Variants in ZNF417 observed in about 807,000 individuals in gnomAD.
ZNF417 encodes zinc finger protein 417.
Under a neutral mutation model 7.4 loss-of-function variants are expected in ZNF417, and 5 were observed. The ratio of observed to expected loss-of-function variants is 0.68; its 90% CI spans 0.35 to 1.43. ZNF417 has a LOEUF of 1.43. ZNF417 is among the 40% of genes most tolerant of loss of function. ZNF417 has a pLI of 0.04. For synonymous variants in ZNF417, 147 were observed against 239.1 expected (o/e 0.61, Z 3.55); for missense variants, 437 against 697.3 (o/e 0.63, Z 4.20).
At chr19:57,911,656 G>C (rs1222195547) in intron 2 of ZNF417, among the ~76,000 whole-genome samples, 1 of 152,154 alleles carries the variant, frequency 6.6e-6, no homozygotes, top group Non-Finnish European at 1.5e-5. Flanking sequence ...TGCAAGAAGA[G>C]TCTATGGTCT....
At position 57,907,774 on chromosome 19, in the gene ZNF417, C is replaced by T. The variant is rs2071848291; in HGVS notation, c.*776G>A. 1 of 154,484 alleles carries T rather than the reference C, an allele frequency of 6.5e-6. No homozygotes were observed. Among genetic ancestry groups the T allele is most frequent in the African/African-American group, 2.4e-5 (1 of 41,510 alleles). The allele number at this position is 154,484 out of a possible 1,614,324, so 9.6% of individuals were successfully genotyped here. A position where few individuals can be genotyped will look rare whatever the true frequency, so the allele number is the denominator to read the frequency against. Reference sequence around the variant, plus strand: ...ATCTCACCTTGCTGGCAAGAAACTACCATTTCAGCAGAAAGTGCAATGACA... The same window carrying T: ...ATCTCACCTTGCTGGCAAGAAACTATCATTTCAGCAGAAAGTGCAATGACA... On this transcript the variant is annotated 3_prime_UTR_variant, in exon 3 of 3. Coordinates refer to ENST00000312026, the MANE Select transcript of ZNF417 (RefSeq NM_152475.3).
chr19:57,905,959 T>C lies in ZNF417; in HGVS notation c.*2591A>G, dbSNP rs2122505565. ...TTTTGCCTATATAAACTGTAGTTTA[T>C]GAAGAAAAAAGTTTTGTTTTTTTTG... is the stretch of plus-strand genomic sequence containing the variant. On this transcript the variant is annotated 3_prime_UTR_variant, in exon 3 of 3. Coordinates refer to ENST00000312026, the MANE Select transcript of ZNF417 (RefSeq NM_152475.3). Among the ~76,000 whole-genome samples, 1 of 149,294 alleles carries C rather than the reference T, an allele frequency of 6.7e-6. No homozygotes were observed. The highest frequency in any genetic ancestry group is 2.2e-4 in the South Asian group (1 of 4,648).
intron 1 of ZNF417, among the ~76,000 whole-genome samples, chr19:57,914,501 A>AC (rs1040421151): frequency 1.3e-5 from 2 of 151,084 alleles, no homozygotes; most frequent in Non-Finnish European, 1.5e-5. Context: ...AAAAAAAAAA[A>AC]AAAAAAAAAG....
rs898326539 is a variant in ZNF417, at chr19:57,916,581, A to C, written c.-170T>G. ...GGGGAAACACCCGCGTCACCGATAC[A>C]CAGCCGCTACTAGAGACCCCGGAAG... On this transcript the variant is annotated 5_prime_UTR_variant, in exon 1 of 3. Coordinates refer to ENST00000312026, the MANE Select transcript of ZNF417 (RefSeq NM_152475.3). 2 of 1,475,432 alleles carry C rather than the reference A, an allele frequency of 1.4e-6. No homozygotes were observed. The highest frequency in any genetic ancestry group is 1.8e-6 in the Non-Finnish European group (2 of 1,116,134). The allele number at this position is 1,475,432 out of a possible 1,614,324, so 91.4% of individuals were successfully genotyped here.
intron 1 of ZNF417, among the ~76,000 whole-genome samples, chr19:57,914,314 C>T (rs1177623829): frequency 6.6e-6 from 1 of 151,592 alleles, no homozygotes; most frequent in Non-Finnish European, 1.5e-5. Context: ...GATGAAACCC[C>T]GTTTCTACTA....
chr19:57,915,589 A>C (rs1253244751), intron 1 of ZNF417: 1 of 385,994 alleles, frequency 2.6e-6, no homozygotes, highest in African/African-American at 2.1e-5. Context: ...CTTGCTTCCA[A>C]CCTTTCAGCT....
rs1437521591 is a variant in ZNF417, at chr19:57,905,892, A to T, written c.*2658T>A. Among the ~76,000 whole-genome samples, 2 of 152,262 alleles carry T rather than the reference A, an allele frequency of 1.3e-5. No homozygotes were observed. Among genetic ancestry groups the T allele is most frequent in the Non-Finnish European group, 2.9e-5 (2 of 68,050 alleles). On this transcript the variant is annotated 3_prime_UTR_variant, in exon 3 of 3. Transcript: ENST00000312026. ...AATTAACAAAAGTTGTATTAATTCA[A>T]GACAAGAGCCTGCAGAGACTAAAAT...
At chr19:57,912,608 G>A (rs772647612) in intron 1 of ZNF417, among the ~76,000 whole-genome samples, 2 of 151,818 alleles carry the variant, frequency 1.3e-5, no homozygotes, top group Non-Finnish European at 2.9e-5. Context: ...ATAGAACTTT[G>A]TTTTTTGGGG....
Position 57,907,726 on chromosome 19 carries a change from G to GA in ZNF417, c.*823dup, listed in dbSNP as rs1333596141. 1 of 154,016 alleles carries GA rather than the reference G, an allele frequency of 6.5e-6. No individual in the cohort carries two copies. The allele number at this position is 154,016 out of a possible 1,614,324, so 9.5% of individuals were successfully genotyped here. A position where few individuals can be genotyped will look rare whatever the true frequency, so the allele number is the denominator to read the frequency against. Reference sequence around the variant, plus strand: ...GTGGGGAAATGGGCATGTGGCCCCTGAAAAAAGATTCTGGATTCCATAATC... The same window carrying GA: ...GTGGGGAAATGGGCATGTGGCCCCTGAAAAAAAGATTCTGGATTCCATAATC... On this transcript the variant is annotated 3_prime_UTR_variant, in exon 3 of 3. Transcript: ENST00000312026.
Position 57,912,098 on chromosome 19 carries a change from T to A in ZNF417, c.125A>T (p.Asp42Val), listed in dbSNP as rs755868315. ...LSEAQRCLYR[D>V]VMLENLALIS... ...GAGAGCCAGGTTCTCTAGCATCACA[T>A]CACGGTACAAGCACCTCTGAGCCTC... The change falls in exon 2 of 3, where the codon GAT becomes GTT. Residue 42 changes from aspartate (D) to valine (V), a missense_variant. By Grantham distance (152) the Asp-to-Val change is radical. Transcript: ENST00000312026. 2 of 1,606,640 alleles carry A rather than the reference T, an allele frequency of 1.2e-6. No individual in the cohort carries two copies. The highest frequency in any genetic ancestry group is 1.7e-6 in the Non-Finnish European group (2 of 1,175,318).
chr19:57,910,156 A>T (rs767906952), intron 2 of ZNF417, 42 bp from the exon 3 acceptor site: 2 of 1,584,296 alleles, frequency 1.3e-6, no homozygotes, highest in South Asian at 1.1e-5. Flanking sequence ...AGTACCTCTG[A>T]CGGGAAGGCA....
chr19:57,914,060 A>C (rs1364158093), intron 1 of ZNF417, among the ~76,000 whole-genome samples: 1 of 152,190 alleles, frequency 6.6e-6, no homozygotes, highest in Non-Finnish European at 1.5e-5. Flanking sequence ...CACTCTTGAT[A>C]TCCACAGTCA....
chr19:57,907,446 A>G lies in ZNF417; in HGVS notation c.*1104T>C, dbSNP rs1301149056. ...CTTAAAATGGACTTTGTGAGGTTCC[A>G]TGTGTTTGGTCAGTCATGAGAGGAA... On this transcript the variant is annotated 3_prime_UTR_variant, in exon 3 of 3. Transcript: ENST00000312026. The G allele has an allele frequency of 6.5e-6, 1 of 154,804 alleles. No homozygotes were observed. Among genetic ancestry groups the G allele is most frequent in the Non-Finnish European group, 1.5e-5 (1 of 68,232 alleles). 9.6% of individuals were successfully genotyped at this position (154,804 alleles called of 1,614,324 possible).
In ZNF417 at chr19:57,906,485, G is replaced by A. The variant is rs141684994; in HGVS notation, c.*2065C>T. Among the ~76,000 whole-genome samples the A allele has an allele frequency of 0.013, 1,998 of 152,056 alleles. 51 individuals carry two copies. The highest frequency in any genetic ancestry group is 0.045 in the African/African-American group (1,881 of 41,464). On this transcript the variant is annotated 3_prime_UTR_variant, in exon 3 of 3. Coordinates refer to ENST00000312026, the MANE Select transcript of ZNF417 (RefSeq NM_152475.3). ...ATCATAGGATTTCTAGGGATAAGCC[G>A]AGTGCCGTGGCAGATGCCTGTAATC... is the stretch of plus-strand genomic sequence containing the variant.
rs58495174 is a variant in ZNF417 at position 57,905,975 on chromosome 19, G to GTTTTT, written c.*2570_*2574dup. On this transcript the variant is annotated 3_prime_UTR_variant, in exon 3 of 3. Transcript: ENST00000312026. ...TGTAGTTTATGAAGAAAAAAGTTTT[G>GTTTTT]TTTTTTTTGAGGCAGGGCCTTGCTC... Among the ~76,000 whole-genome samples, 4 of 151,628 alleles carry GTTTTT rather than the reference G, an allele frequency of 2.6e-5. No homozygotes were observed. Among genetic ancestry groups the GTTTTT allele is most frequent in the African/African-American group, 9.7e-5 (4 of 41,252 alleles).
In ZNF417 at chr19:57,909,593, G is replaced by A. The variant is rs2071877366; in HGVS notation, c.685C>T (p.Pro229Ser). ...KAFSTKHSVIPHQKLFTRDGC... is the reference protein window; with the variant it reads ...KAFSTKHSVISHQKLFTRDGC... ...TCTCTAGTGAAAAGTTTCTGGTGTG[G>A]AATAACTGAGTGTTTGGTGCTGAAG... is the stretch of plus-strand genomic sequence containing the variant. The change falls in exon 3 of 3, where the codon CCA becomes TCA. Residue 229 changes from proline to serine, a missense_variant. Pro to Ser is a moderately conservative substitution (Grantham distance 74). This residue lies in a region of ZNF417 where 60 missense variants were observed against 266.0 expected (regional missense o/e 0.23). Transcript: ENST00000312026. 1 of 1,607,414 alleles carries A rather than the reference G, an allele frequency of 6.2e-7. No individual in the cohort carries two copies. The highest frequency in any genetic ancestry group is 8.5e-7 in the Non-Finnish European group (1 of 1,177,816).
At chr19:57,914,696 G>C (rs887721790) in intron 1 of ZNF417, among the ~76,000 whole-genome samples, 3 of 152,138 alleles carry the variant, frequency 2.0e-5, no homozygotes, top group Admixed American at 6.5e-5. Context: ...GAAGCCGGTA[G>C]CCAGTAGAAC....
At position 57,909,677 on chromosome 19, in the gene ZNF417, G is replaced by A. The variant is rs765857698; in HGVS notation, c.601C>T (p.His201Tyr). Residue 201 changes from histidine to tyrosine, a missense_variant, in exon 3 of 3, where the codon CAT becomes TAT. This residue lies in a region of ZNF417 where 60 missense variants were observed against 266.0 expected (regional missense o/e 0.23). Coordinates refer to ENST00000312026, the MANE Select transcript of ZNF417 (RefSeq NM_152475.3). Reference protein sequence around the residue: ...AVEKTDSETMHGPPFQEGKTN... With the variant: ...AVEKTDSETMYGPPFQEGKTN... ...TTTCCCTCCTGAAAGGGTGGGCCAT[G>A]CATAGTTTCACTGTCTGTCTTCTCT... 13 of 1,545,800 alleles carry A rather than the reference G, an allele frequency of 8.4e-6. 1 individual carries two copies. Among genetic ancestry groups the A allele is most frequent in the Non-Finnish European group, 1.1e-5 (13 of 1,138,942 alleles).
intron 1 of ZNF417, chr19:57,915,482 G>A (rs60445683): frequency 0.01 from 4,975 of 494,360 alleles, 250 homozygotes; most frequent in African/African-American, 0.096. Flanking sequence ...TCTCCCCACC[G>A]CATCCCACGG....
Sources: gnomAD v4.1 joint callset for allele counts (sites outside exome capture counted in the v4.1 genomes callset) on GRCh38, gnomAD v4.1.1 for gene constraint, gnomAD v4.1.1 regional missense constraint, MANE v1.5 for transcripts, NCBI Gene and HGNC (gene_info 2026-07-23, HGNC 2026-07-21) for gene names.